CYP39A1: variants seen among roughly 807,000 people sequenced by gnomAD.
The protein encoded by CYP39A1 is 24-hydroxycholesterol 7-alpha-hydroxylase.
CYP39A1 carries 49 observed loss-of-function variants against 58.1 expected under a neutral mutation model. That is an observed-to-expected ratio of 0.84 (90% confidence interval 0.67 to 1.07). The LOEUF (loss-of-function observed/expected upper bound fraction) is 1.07, where lower values mean the gene tolerates loss of function less well. Ranked by LOEUF, CYP39A1 falls within the 50% of genes least tolerant of loss-of-function variation. The pLI, the probability that CYP39A1 is intolerant of heterozygous loss-of-function variation, is 0.00. For synonymous variants in CYP39A1, 209 were observed against 187.6 expected (o/e 1.11, Z -0.93); for missense variants, 531 against 539.4 (o/e 0.98, Z 0.16).
intron 6 of CYP39A1, among the ~76,000 whole-genome samples, chr6:46,629,583 G>A (rs1229702119): frequency 6.6e-6 from 1 of 152,156 alleles, no homozygotes; most frequent in Non-Finnish European, 1.5e-5. Flanking sequence ...TCTTTATGCA[G>A]TAAATTTTTC....
chr6:46,648,882 A>G (rs905446194), intron 1 of CYP39A1, among the ~76,000 whole-genome samples: 2 of 152,196 alleles, frequency 1.3e-5, no homozygotes, highest in African/African-American at 4.8e-5. Context: ...CAGATTGTCT[A>G]TACTATTACA....
chr6:46,632,981 C>T (rs1023986743), intron 5 of CYP39A1, among the ~76,000 whole-genome samples: 7 of 151,668 alleles, frequency 4.6e-5, no homozygotes, highest in African/African-American at 7.3e-5. Flanking sequence ...GAGACTGATG[C>T]TATTATTTAC....
intron 7 of CYP39A1, among the ~76,000 whole-genome samples, chr6:46,619,295 T>C (rs1236861498): frequency 6.6e-6 from 1 of 152,178 alleles, no homozygotes; most frequent in African/African-American, 2.4e-5. Flanking sequence ...CCATATATTC[T>C]TACATTTGTT....
In CYP39A1 at chr6:46,588,041, A is replaced by T. The variant is rs368259271; in HGVS notation, c.1154T>A (p.Phe385Tyr). 1.9e-6 allele frequency: 3 copies of T among 1,567,500 alleles called. No homozygotes were observed. Among genetic ancestry groups the T allele is most frequent in the East Asian group, 2.3e-5 (1 of 43,016 alleles). Residue 385 changes from phenylalanine (F) to tyrosine (Y), a missense_variant, in exon 9 of 12, where the codon TTC becomes TAC. By Grantham distance (22) the Phe-to-Tyr change is conservative. Transcript: ENST00000275016. The stretch of plus-strand genomic sequence containing the variant: ...CTGAAAGAGATAACTTACAGGTTTG[A>T]ACAATTCAGGCTCAGGAAAATACTT... ...NPKYFPEPEL[F>Y]KPERWKKANL...
At chr6:46,551,386 A>C (rs964666947) in intron 11 of CYP39A1, among the ~76,000 whole-genome samples, 1 of 150,794 alleles carries the variant, frequency 6.6e-6, no homozygotes, top group African/African-American at 2.4e-5. Flanking sequence ...AAAAAAAAAC[A>C]ACCATACAAA....
chr6:46,601,876 G>T (rs138202088), intron 7 of CYP39A1, among the ~76,000 whole-genome samples: 8 of 151,982 alleles, frequency 5.3e-5, no homozygotes, highest in African/African-American at 1.9e-4. Flanking sequence ...TGAAAGGCTG[G>T]ATCCCTTTCA....
At chr6:46,619,913 C>T (rs9472801) in intron 7 of CYP39A1, among the ~76,000 whole-genome samples, 29,045 of 151,928 alleles carry the variant, frequency 0.19, 2,980 homozygotes, top group African/African-American at 0.27. Flanking sequence ...TCCACATAAG[C>T]CTGGGAGGTT....
chr6:46,611,369 T>A (rs892854605), intron 7 of CYP39A1, among the ~76,000 whole-genome samples: 1 of 152,196 alleles, frequency 6.6e-6, no homozygotes, highest in Non-Finnish European at 1.5e-5. Context: ...GCGAAAGATA[T>A]GAAGGACTGA....
At chr6:46,646,255 T>G (rs1021072172) in intron 1 of CYP39A1, among the ~76,000 whole-genome samples, 24 of 152,178 alleles carry the variant, frequency 1.6e-4, no homozygotes, top group Admixed American at 1.0e-3. Flanking sequence ...AACTGCAGGA[T>G]TTTTGTAGAT....
chr6:46,628,570 C>A (rs1175962179), intron 6 of CYP39A1, among the ~76,000 whole-genome samples: 2 of 152,154 alleles, frequency 1.3e-5, no homozygotes, highest in Non-Finnish European at 2.9e-5. Flanking sequence ...CACAATGGAG[C>A]CTCCTAGTGA....
At chr6:46,597,061 G>A (rs1187051782) in intron 7 of CYP39A1, among the ~76,000 whole-genome samples, 1 of 152,102 alleles carries the variant, frequency 6.6e-6, no homozygotes, top group Non-Finnish European at 1.5e-5. Context: ...TGGATGAGGC[G>A]TGTTCAAAAG....
At chr6:46,576,893 G>A (rs1298848633) in intron 10 of CYP39A1, among the ~76,000 whole-genome samples, 1 of 152,196 alleles carries the variant, frequency 6.6e-6, no homozygotes, top group East Asian at 1.9e-4. Flanking sequence ...AAAAGATGGA[G>A]AGAGAACAAG....
At chr6:46,600,106 C>A (rs1773397164) in intron 7 of CYP39A1, among the ~76,000 whole-genome samples, 1 of 149,756 alleles carries the variant, frequency 6.7e-6, no homozygotes, top group Admixed American at 6.7e-5. Context: ...ATAATAAGCC[C>A]CTTTCTTTTC....
At chr6:46,560,559 G>T (rs527718071) in intron 10 of CYP39A1, among the ~76,000 whole-genome samples, 46 of 152,272 alleles carry the variant, frequency 3.0e-4, no homozygotes, top group Admixed American at 1.9e-3. Flanking sequence ...CTGGAGCTCA[G>T]TTTTGGACTT....
chr6:46,617,202 A>G (rs558685833), intron 7 of CYP39A1, among the ~76,000 whole-genome samples: 62 of 152,264 alleles, frequency 4.1e-4, no homozygotes, highest in Non-Finnish European at 6.3e-4. Flanking sequence ...TGGTAGTCAT[A>G]TTTTTTGAAT....
chr6:46,609,778 A>G (rs1383591545), intron 7 of CYP39A1, among the ~76,000 whole-genome samples: 1 of 152,200 alleles, frequency 6.6e-6, no homozygotes, highest in Non-Finnish European at 1.5e-5. Flanking sequence ...TCAATACTCT[A>G]TATTACCTCC....
intron 10 of CYP39A1, among the ~76,000 whole-genome samples, chr6:46,555,794 C>T (rs1336965740): frequency 6.6e-6 from 1 of 152,186 alleles, no homozygotes; most frequent in African/African-American, 2.4e-5. Context: ...GTTCTTGAAA[C>T]ATCTTGACTG....
In CYP39A1 at chr6:46,566,843, T is replaced by A. The variant is rs528708891; in HGVS notation, c.1251-12989A>T. 9.9e-5 allele frequency among the ~76,000 whole-genome samples: 15 copies of A among 151,996 alleles called. No homozygotes were observed. The East Asian group carries it at 1.4e-3, about 14-fold the overall frequency. ...GCACAAAATGAGATGATTATATATA[T>A]ATATATACACACACATACATATATG... On this transcript the variant is annotated intron_variant, in intron 10 of 11. Coordinates refer to ENST00000275016, the MANE Select transcript of CYP39A1 (RefSeq NM_016593.5).
chr6:46,587,594 A>T (rs1017236137), intron 9 of CYP39A1, among the ~76,000 whole-genome samples: 3 of 152,188 alleles, frequency 2.0e-5, no homozygotes, highest in African/African-American at 7.2e-5. Flanking sequence ...AAGGCAGAGA[A>T]CAGACTAAAT....
Sources: allele counts gnomAD v4.1 joint callset (sites outside exome capture counted in the v4.1 genomes callset), GRCh38; gene constraint gnomAD v4.1.1; transcripts MANE v1.5; gene names NCBI Gene and HGNC (gene_info 2026-07-23, HGNC 2026-07-21).